Variants in WWP2 observed in about 807,000 individuals in gnomAD.
WWP2 encodes the protein WW domain containing E3 ubiquitin protein ligase 2.
In WWP2, 57 loss-of-function variants were observed where a neutral mutation model predicts 121.0. The ratio of observed to expected loss-of-function variants is 0.47; its 90% CI spans 0.38 to 0.59. The LOEUF (loss-of-function observed/expected upper bound fraction) is 0.59, where lower values mean the gene tolerates loss of function less well. Among genes scored for constraint, WWP2 ranks in the 20% least tolerant of loss-of-function variants. The pLI is 0.00. For missense variants in WWP2, 962 were observed against 1,158.9 expected, an observed-to-expected ratio of 0.83 and a Z score of 2.47; for synonymous variants, 449 against 441.3, an observed-to-expected ratio of 1.02 and a Z score of -0.22.
intron 7 of WWP2, among the ~76,000 whole-genome samples, chr16:69,873,965 C>A (rs1257513474): frequency 6.6e-6 from 1 of 152,178 alleles, no homozygotes; most frequent in Non-Finnish European, 1.5e-5. Flanking sequence ...TCTCTAGGAA[C>A]CTTATGTTCT....
intron 2 of WWP2, among the ~76,000 whole-genome samples, chr16:69,795,659 T>TG: frequency 7.5e-6 from 1 of 132,658 alleles, no homozygotes; most frequent in Admixed American, 7.8e-5. Flanking sequence ...GTTTTTTTTT[T>TG]TTTTTTTTTT....
intron 6 of WWP2, among the ~76,000 whole-genome samples, chr16:69,853,333 C>T (rs1374702147): frequency 6.6e-6 from 1 of 152,158 alleles, no homozygotes; most frequent in East Asian, 1.9e-4. Context: ...AGTTCACATG[C>T]CAAGAAACTA....
chr16:69,883,359 C>G (rs929416821), intron 7 of WWP2, among the ~76,000 whole-genome samples: 1 of 151,440 alleles, frequency 6.6e-6, no homozygotes, highest in Non-Finnish European at 1.5e-5. Flanking sequence ...GGTGGATTGA[C>G]TCCTGAGGTT....
intron 8 of WWP2, among the ~76,000 whole-genome samples, chr16:69,906,103 T>C (rs185841812): frequency 2.8e-4 from 43 of 151,950 alleles, no homozygotes; most frequent in Admixed American, 9.2e-4. Context: ...GACGGAGTCT[T>C]GCTCTGTCGC....
rs2056114625 is a variant in WWP2, at chr16:69,799,350, T to C, written c.340+55T>C. On this transcript the variant is annotated intron_variant, in intron 4 of 23. Transcript: ENST00000359154. This position sits in a 1 kb window ranked among gnomAD's most constrained non-coding sequence, Gnocchi z 4.5. ...ATTCTTGGGTGGGGATGGGAGGACC[T>C]GGCAGATCAACCTGGTATTGCAATT... 1 of 1,588,374 alleles carries C rather than the reference T, an allele frequency of 6.3e-7. No homozygotes were observed. The highest frequency in any genetic ancestry group is 8.6e-7 in the Non-Finnish European group (1 of 1,166,356).
intron 2 of WWP2, among the ~76,000 whole-genome samples, chr16:69,794,579 C>T (rs1224999332): frequency 6.6e-6 from 1 of 152,118 alleles, no homozygotes; most frequent in Non-Finnish European, 1.5e-5. Flanking sequence ...TAGCTTGGCC[C>T]ATGCCCAGGA....
intron 10 of WWP2, among the ~76,000 whole-genome samples, chr16:69,922,461 A>C (rs758495919): frequency 1.3e-5 from 2 of 152,204 alleles, no homozygotes; most frequent in Non-Finnish European, 2.9e-5. Context: ...CCCAGGGACC[A>C]TTACCCGGGA....
intron 1 of WWP2, among the ~76,000 whole-genome samples, chr16:69,775,520 C>A (rs1261245496): frequency 1.3e-5 from 2 of 152,176 alleles, no homozygotes; most frequent in Non-Finnish European, 2.9e-5. Flanking sequence ...CTTATAGTTG[C>A]TATATCTCTC....
intron 1 of WWP2, among the ~76,000 whole-genome samples, chr16:69,773,146 T>C (rs867910965): frequency 6.6e-6 from 1 of 151,852 alleles, no homozygotes; most frequent in Non-Finnish European, 1.5e-5. Context: ...GACGGGGAGC[T>C]CCTTCATTGT....
chr16:69,823,112 C>A (rs1043679618), intron 4 of WWP2, among the ~76,000 whole-genome samples: 1 of 152,138 alleles, frequency 6.6e-6, no homozygotes, highest in East Asian at 1.9e-4. Flanking sequence ...GCCTGCGCAA[C>A]AGAGCGAGAC....
intron 2 of WWP2, among the ~76,000 whole-genome samples, chr16:69,789,253 G>A (rs926151144): frequency 5.3e-5 from 8 of 151,284 alleles, no homozygotes; most frequent in African/African-American, 1.9e-4. Context: ...TTTTTGAGAT[G>A]GAGTCTCGCT....
chr16:69,813,114 C>A (rs1257347953), intron 4 of WWP2, among the ~76,000 whole-genome samples: 1 of 151,184 alleles, frequency 6.6e-6, no homozygotes, highest in African/African-American at 2.4e-5. Context: ...AGCTTCTACT[C>A]ATGGATTCAG....
In WWP2 at chr16:69,939,932, C is replaced by A; in HGVS notation, c.2605C>A (p.Gln869Lys). 6.2e-7 allele frequency: 1 copy of A among 1,613,366 alleles called. No individual in the cohort carries two copies. The highest frequency in any genetic ancestry group is 8.5e-7 in the Non-Finnish European group (1 of 1,179,722). ...YAIEETEGFG[Q>K]E is the part of the protein sequence containing the mutation. Reference sequence around the variant, plus strand: ...CATTGAGGAGACCGAGGGCTTTGGACAGGAGTAACCGAGGCCGCCCCTCCC... The same window carrying A: ...CATTGAGGAGACCGAGGGCTTTGGAAAGGAGTAACCGAGGCCGCCCCTCCC... The change falls in exon 24 of 24, where the codon CAG becomes AAG. Residue 869 changes from glutamine (Q) to lysine (K), a missense_variant. Gln to Lys is a moderately conservative substitution (Grantham distance 53). Around this residue, in one of 3 missense-constraint regions of WWP2, gnomAD observed 606 missense variants for 772.6 expected, o/e 0.78. Transcript: ENST00000359154.
In WWP2 at chr16:69,842,054, G is replaced by A; in HGVS notation, c.509G>A (p.Gly170Glu). 1 of 1,613,444 alleles carries A rather than the reference G, an allele frequency of 6.2e-7. No homozygotes were observed. Among genetic ancestry groups the A allele is most frequent in the Non-Finnish European group, 8.5e-7 (1 of 1,179,792 alleles). ...CAGCTGCCTTCGAGAGACTCCAGTG[G>A]AACAGCAGTAGCTCCAGAGAACCGG... ...GSQLPSRDSS[G>E]TAVAPENRHQ... The change falls in exon 6 of 24, where the codon GGA (glycine) becomes GAA (glutamate). Residue 170 changes from glycine (G) to glutamate (E), a missense_variant. By Grantham distance (98) the Gly-to-Glu change is moderately conservative. Transcript: ENST00000359154.
chr16:69,851,640 A>G (rs1398453988), intron 6 of WWP2, among the ~76,000 whole-genome samples: 2 of 152,162 alleles, frequency 1.3e-5, no homozygotes, highest in Non-Finnish European at 2.9e-5. Context: ...AATGATGAAT[A>G]ATAAAGCTGC....
chr16:69,846,731 AAAAAG>A (rs969784444), intron 6 of WWP2, among the ~76,000 whole-genome samples: 1 of 151,866 alleles, frequency 6.6e-6, no homozygotes, highest in Non-Finnish European at 1.5e-5. Flanking sequence ...AGAAAAAAAA[AAAAAG>A]AAAAAAGAAT....
chr16:69,869,551 G>A (rs2057593773), intron 6 of WWP2, among the ~76,000 whole-genome samples: 1 of 151,924 alleles, frequency 6.6e-6, no homozygotes, highest in South Asian at 2.1e-4. Context: ...TCCCTGTGTT[G>A]CCCAGGCTGG....
chr16:69,932,958 G>A (rs2058739183), intron 16 of WWP2: 1 of 460,654 alleles, frequency 2.2e-6, no homozygotes, highest in African/African-American at 2.0e-5. Context: ...ACTTGCTTCT[G>A]GTCCTCTGTT....
In WWP2 at chr16:69,937,472, G is replaced by A; in HGVS notation, c.2239-76G>A. On this transcript the variant is annotated intron_variant, in intron 20 of 23. Coordinates refer to ENST00000359154, the MANE Select transcript of WWP2 (RefSeq NM_001270454.2). The surrounding 1 kb of genome is among the most constrained non-coding windows in gnomAD (Gnocchi z 6.6). ...AAATAGCTAGTTGAATATGTTTGGG[G>A]TAATGTCAAGTGCTAGCGAGTGGAC... 6.7e-7 allele frequency: 1 copy of A among 1,497,712 alleles called. No homozygotes were observed. The highest frequency in any genetic ancestry group is 9.3e-7 in the Non-Finnish European group (1 of 1,079,266). The allele number at this position is 1,497,712 out of a possible 1,614,324, so 92.8% of individuals were successfully genotyped here. A position where few individuals can be genotyped will look rare whatever the true frequency, so the allele number is the denominator to read the frequency against.
Sources: allele counts gnomAD v4.1 joint callset (sites outside exome capture counted in the v4.1 genomes callset), GRCh38; gene constraint gnomAD v4.1.1; regional missense constraint gnomAD v4.1.1; non-coding constraint Gnocchi (gnomAD v3.1); transcripts MANE v1.5; gene names NCBI Gene and HGNC (gene_info 2026-07-23, HGNC 2026-07-21).